The following CLDN14 variants were observed in gnomAD, a reference collection of about 807,000 sequenced individuals.
The protein encoded by CLDN14 is claudin-14.
CLDN14 carries 2 observed loss-of-function variants against 2.1 expected under a neutral mutation model. That is an observed-to-expected ratio of 0.96 (90% CI 0.39 to 3.01). CLDN14 has a LOEUF of 3.01. CLDN14 is among the 30% of genes most tolerant of loss of function. The pLI is 0.09. For synonymous variants in CLDN14, 136 were observed against 154.4 expected (o/e 0.88, Z 0.88); for missense variants, 298 against 328.0 (o/e 0.91, Z 0.71).
chr21:36,497,635 C>T (rs994327058), intron 2 of CLDN14, among the ~76,000 whole-genome samples: 1 of 152,092 alleles, frequency 6.6e-6, no homozygotes, highest in Non-Finnish European at 1.5e-5. Flanking sequence ...TGACCTAAGC[C>T]CGGAAAGCCG....
At chr21:36,525,754 C>T (rs2087322467) in intron 1 of CLDN14, among the ~76,000 whole-genome samples, 1 of 152,228 alleles carries the variant, frequency 6.6e-6, no homozygotes, top group South Asian at 2.1e-4. Flanking sequence ...ACCAACCACA[C>T]TCTGACTCCT....
intron 2 of CLDN14, among the ~76,000 whole-genome samples, chr21:36,508,202 C>T (rs1395177392): frequency 6.6e-6 from 1 of 152,162 alleles, no homozygotes; most frequent in Non-Finnish European, 1.5e-5. Context: ...CCACTCATTT[C>T]ATGTTCTAGG....
chr21:36,515,557 C>A (rs1433067129), intron 1 of CLDN14, among the ~76,000 whole-genome samples: 1 of 151,014 alleles, frequency 6.6e-6, no homozygotes, highest in Non-Finnish European at 1.5e-5. Context: ...CCTGTAATCC[C>A]AGCTACTTAG....
rs533284312 is a variant in CLDN14 at position 36,516,228 on chromosome 21, T to G, written c.-219-5728A>C. 3.9e-5 allele frequency among the ~76,000 whole-genome samples: 6 copies of G among 152,310 alleles called. No homozygotes were observed. The South Asian group carries it at 1.0e-3, about 26-fold the overall frequency. On this transcript the variant is annotated intron_variant, in intron 1 of 2. Transcript: ENST00000342108. The stretch of plus-strand genomic sequence containing the variant: ...GATCTATTAAAAATTCAGACTTGAT[T>G]TTCTCCACTTACATAAAGTTGCGGG...
intron 1 of CLDN14, among the ~76,000 whole-genome samples, chr21:36,513,127 GTCCCA>G (rs1400721729): frequency 6.6e-6 from 1 of 152,136 alleles, no homozygotes; most frequent in East Asian, 1.9e-4. Flanking sequence ...AATCATGGTG[GTCCCA>G]TCCCATCCCA....
chr21:36,463,644 G>A (rs1478427595), intron 1 of CLDN14, among the ~76,000 whole-genome samples: 1 of 152,152 alleles, frequency 6.6e-6, no homozygotes, highest in Admixed American at 6.5e-5. Flanking sequence ...ACCGGGAGGC[G>A]GAGGTTTCAG....
rs1317042671 is a variant in CLDN14 at position 36,551,934 on chromosome 21, A to G, written c.-220+24477T>C. Among the ~76,000 whole-genome samples, 1 of 152,132 alleles carries G rather than the reference A, an allele frequency of 6.6e-6. No homozygotes were observed. The highest frequency in any genetic ancestry group is 2.4e-5 in the African/African-American group (1 of 41,414). Reference sequence around the variant, plus strand: ...TTGGCTGCTGTTTTCATCATTTTTTAAAGGACTGTTGAGGGTGGGAGGAAG... The same window carrying G: ...TTGGCTGCTGTTTTCATCATTTTTTGAAGGACTGTTGAGGGTGGGAGGAAG... On this transcript the variant is annotated intron_variant, in intron 1 of 2. Transcript: ENST00000342108. This position sits in a 1 kb window ranked among gnomAD's most constrained non-coding sequence, Gnocchi z 4.8.
chr21:36,534,205 G>C (rs965084155), intron 1 of CLDN14, among the ~76,000 whole-genome samples: 1 of 151,996 alleles, frequency 6.6e-6, no homozygotes, highest in Non-Finnish European at 1.5e-5. Context: ...GGGTTCAAGC[G>C]ATTCTCCTGC....
intron 1 of CLDN14, among the ~76,000 whole-genome samples, chr21:36,530,261 A>G (rs2087368771): frequency 7.6e-6 from 1 of 130,726 alleles, no homozygotes; most frequent in African/African-American, 2.9e-5. Flanking sequence ...CACAGCCTGG[A>G]TTCTCCCTAA....
chr21:36,559,646 C>T (rs1457826182), intron 1 of CLDN14, among the ~76,000 whole-genome samples: 1 of 152,196 alleles, frequency 6.6e-6, no homozygotes, highest in Non-Finnish European at 1.5e-5. Context: ...CAAAGCTTTT[C>T]ATCAAGGATA....
chr21:36,517,389 C>G (rs2087236852), intron 1 of CLDN14, among the ~76,000 whole-genome samples: 1 of 152,148 alleles, frequency 6.6e-6, no homozygotes, highest in African/African-American at 2.4e-5. Context: ...GTTTGCCAAC[C>G]CTTGCATTAG....
At chr21:36,561,743 T>G (rs947506848) in intron 1 of CLDN14, among the ~76,000 whole-genome samples, 27 of 151,910 alleles carry the variant, frequency 1.8e-4, no homozygotes, top group Non-Finnish European at 3.5e-4. Flanking sequence ...CCAGGAGAGG[T>G]GTATTAAGAC....
chr21:36,482,663 C>T (rs142278962), upstream of CLDN14, among the ~76,000 whole-genome samples: 70 of 152,238 alleles, frequency 4.6e-4, 1 homozygote, highest in African/African-American at 1.6e-3. Flanking sequence ...TTGATTTGAG[C>T]GACACACATG....
chr21:36,556,991 G>A (rs964689529), intron 1 of CLDN14, among the ~76,000 whole-genome samples: 1 of 152,142 alleles, frequency 6.6e-6, no homozygotes, highest in South Asian at 2.1e-4. Context: ...TCTACTCTCT[G>A]CTTCTGTGAG....
At chr21:36,470,441 C>T (rs2086697435) in intron 1 of CLDN14, among the ~76,000 whole-genome samples, 1 of 151,846 alleles carries the variant, frequency 6.6e-6, no homozygotes, top group Middle Eastern at 3.2e-3. Flanking sequence ...GGATCGCCAG[C>T]AACCCGCGGA....
intron 2 of CLDN14, chr21:36,486,812 C>A: frequency 1.4e-6 from 1 of 739,590 alleles, no homozygotes; most frequent in Non-Finnish European, 2.4e-6. Context: ...CGCTTCAGAG[C>A]CAGATGGGCC....
upstream of CLDN14, among the ~76,000 whole-genome samples, chr21:36,482,096 A>G (rs977331074): frequency 2.6e-5 from 4 of 152,198 alleles, no homozygotes; most frequent in African/African-American, 9.7e-5. Context: ...TTTAAACTCT[A>G]AGGTGTAAAT....
At chr21:36,494,154 C>T (rs981888008) in intron 2 of CLDN14, among the ~76,000 whole-genome samples, 31 of 152,220 alleles carry the variant, frequency 2.0e-4, no homozygotes, top group African/African-American at 6.5e-4. Flanking sequence ...GCCTCTGGCA[C>T]AGACCGGGAG....
At chr21:36,529,277 TA>T (rs201806422) in intron 1 of CLDN14, among the ~76,000 whole-genome samples, 1 of 151,648 alleles carries the variant, frequency 6.6e-6, no homozygotes, top group South Asian at 2.1e-4. Flanking sequence ...CCTGTGCAGG[TA>T]AAAAAAACCA....
Sources: gnomAD v4.1 joint callset for allele counts (sites outside exome capture counted in the v4.1 genomes callset) on GRCh38, gnomAD v4.1.1 for gene constraint, Gnocchi (gnomAD v3.1) non-coding constraint, MANE v1.5 for transcripts, NCBI Gene and HGNC (gene_info 2026-07-23, HGNC 2026-07-21) for gene names.